Variants in SCML2 observed in about 807,000 individuals in gnomAD.
SCML2 encodes Scm polycomb group protein like 2, also known as sex comb on midleg-like protein 2.
In SCML2, 6 loss-of-function variants were observed where a neutral mutation model predicts 48.4. The ratio of observed to expected loss-of-function variants is 0.12; its 90% CI spans 0.07 to 0.24. The LOEUF is 0.24. Among genes scored for constraint, SCML2 ranks in the 10% least tolerant of loss-of-function variants. The pLI is 1.00. For missense variants in SCML2, 377 were observed against 528.2 expected (o/e 0.71, Z 2.81); for synonymous variants, 181 against 189.5 (o/e 0.95, Z 0.37).
chrX:18,256,732 C>T, intron 11 of SCML2, 116 bp downstream of exon 11: 1 of 542,160 alleles, frequency 1.8e-6, no homozygotes, highest in Non-Finnish European at 2.8e-6. Context: ...ATATGTTATA[C>T]ATTTCTAATT....
rs184564063 is a variant in SCML2 at position 18,291,044 on chromosome X, G to T, written c.730+13928C>A. Among the ~76,000 whole-genome samples, 14 of 111,958 alleles carry T rather than the reference G, an allele frequency of 1.3e-4. No individual in the cohort carries two copies. In the South Asian group the frequency reaches 1.5e-3, roughly 12 times the overall value. ...GAACTAAAATATAAGATACAGAAGAGGGGGGAGCACGTTGAAAACGGAAAA... is the reference window on the plus strand; with the variant it reads ...GAACTAAAATATAAGATACAGAAGATGGGGGAGCACGTTGAAAACGGAAAA... On this transcript the variant is annotated intron_variant, in intron 7 of 14. Transcript: ENST00000251900.
chrX:18,240,767 A>G lies in SCML2; in HGVS notation c.*484T>C, dbSNP rs1158755037. On this transcript the variant is annotated 3_prime_UTR_variant, in exon 15 of 15. Coordinates refer to ENST00000251900, the MANE Select transcript of SCML2 (RefSeq NM_006089.3). Reference sequence around the variant, plus strand: ...AGAGTATCACACAAAATATCTGAGAAAAGATGATATCTACAGGTGCACCTT... The same window carrying G: ...AGAGTATCACACAAAATATCTGAGAGAAGATGATATCTACAGGTGCACCTT... 1 of 112,973 alleles carries G rather than the reference A, an allele frequency of 8.9e-6. No individual in the cohort carries two copies. The highest frequency in any genetic ancestry group is 1.9e-5 in the Non-Finnish European group (1 of 53,538). 9.3% of individuals were successfully genotyped at this position (112,973 alleles called of 1,213,427 possible).
intron 1 of SCML2, among the ~76,000 whole-genome samples, chrX:18,336,855 GA>G (rs1158388526): frequency 1.8e-5 from 2 of 110,354 alleles, no homozygotes; most frequent in African/African-American, 6.6e-5. Context: ...AAAAAAGTGG[GA>G]AAAAAAAGAA....
chrX:18,282,920 A>C (rs1927917557), intron 7 of SCML2, among the ~76,000 whole-genome samples: 1 of 111,213 alleles, frequency 9.0e-6, no homozygotes, highest in African/African-American at 3.3e-5. Flanking sequence ...CCTGAGGGGG[A>C]AGGACTCCTC....
At chrX:18,329,516 G>A (rs935742854) in intron 3 of SCML2, among the ~76,000 whole-genome samples, 9 of 112,320 alleles carry the variant, frequency 8.0e-5, no homozygotes, top group African/African-American at 2.3e-4. Flanking sequence ...AGTTTGCTAC[G>A]TTATTTTTTA....
intron 7 of SCML2, among the ~76,000 whole-genome samples, chrX:18,287,987 A>G (rs1249716522): frequency 8.9e-6 from 1 of 111,771 alleles, no homozygotes; most frequent in Non-Finnish European, 1.9e-5. Context: ...TCAAAATGAC[A>G]TTATTAAAAA....
At chrX:18,301,325 G>C (rs896085668) in intron 7 of SCML2, among the ~76,000 whole-genome samples, 1 of 110,674 alleles carries the variant, frequency 9.0e-6, no homozygotes, top group Admixed American at 9.6e-5. Flanking sequence ...TTGAACCCAG[G>C]AGGCAGAGGT....
intron 7 of SCML2, among the ~76,000 whole-genome samples, chrX:18,275,595 C>T (rs189773471): frequency 1.1e-3 from 119 of 112,371 alleles, no homozygotes; most frequent in African/African-American, 3.3e-3. Flanking sequence ...TGTTAAGTTC[C>T]ACTGTTATAT....
intron 7 of SCML2, among the ~76,000 whole-genome samples, chrX:18,269,270 G>T (rs753633371): frequency 9.0e-6 from 1 of 111,703 alleles, no homozygotes; most frequent in African/African-American, 3.3e-5. Context: ...CCAGGTGGAG[G>T]AAATTGAATC....
rs746723948 is a variant in SCML2 at position 18,308,120 on chromosome X, G to A, written c.487-2905C>T. Among the ~76,000 whole-genome samples, 4 of 105,986 alleles carry A rather than the reference G, an allele frequency of 3.8e-5. No homozygotes were observed. The East Asian group carries it at 1.2e-3, about 32-fold the overall frequency. The allele number at this position is 105,986 out of a possible 115,157, so 92.0% of individuals were successfully genotyped here. ...AAGAAAAAAAAAAAATTAGCTGGGT[G>A]TGGTGGTGCATGCCTGTAGTCCCAG... is the stretch of plus-strand genomic sequence containing the variant. On this transcript the variant is annotated intron_variant, in intron 6 of 14. Coordinates refer to ENST00000251900, the MANE Select transcript of SCML2 (RefSeq NM_006089.3).
At chrX:18,271,378 G>A (rs1927452388) in intron 7 of SCML2, among the ~76,000 whole-genome samples, 1 of 108,665 alleles carries the variant, frequency 9.2e-6, no homozygotes, top group African/African-American at 3.4e-5. Context: ...TTTCTGTCCT[G>A]TAACAACAAC....
intron 6 of SCML2, among the ~76,000 whole-genome samples, chrX:18,311,705 G>A (rs1928954086): frequency 8.9e-6 from 1 of 112,256 alleles, no homozygotes; most frequent in African/African-American, 3.2e-5. Flanking sequence ...TAAGGATTCT[G>A]GCTTTTACTC....
At chrX:18,286,582 A>C (rs5909442) in intron 7 of SCML2, among the ~76,000 whole-genome samples, 30,231 of 110,549 alleles carry the variant, frequency 0.27, 3,577 homozygotes, top group African/African-American at 0.45. Context: ...GACCGTCAGA[A>C]ACACACAGTG....
intron 7 of SCML2, among the ~76,000 whole-genome samples, chrX:18,296,612 T>C (rs7049322): frequency 0.04 from 4,426 of 111,204 alleles, 242 homozygotes; most frequent in African/African-American, 0.14. Flanking sequence ...TCAGAGACTA[T>C]TATGAACAAC....
At position 18,266,970 on chromosome X, in the gene SCML2, T is replaced by C. The variant is rs141512880; in HGVS notation, c.731-1168A>G. On this transcript the variant is annotated intron_variant, in intron 7 of 14. Coordinates refer to ENST00000251900, the MANE Select transcript of SCML2 (RefSeq NM_006089.3). Reference sequence around the variant, plus strand: ...TACCTCATTGCCATCATCTACTTCATACTCCAGGCTCACTTCCACTTTTTT... The same window carrying C: ...TACCTCATTGCCATCATCTACTTCACACTCCAGGCTCACTTCCACTTTTTT... 6.7e-3 allele frequency among the ~76,000 whole-genome samples: 749 copies of C among 112,167 alleles called. 8 individuals carry two copies. Among genetic ancestry groups the C allele is most frequent in the African/African-American group, 0.023 (720 of 30,920 alleles).
chrX:18,350,786 A>T (rs966433491), intron 1 of SCML2, among the ~76,000 whole-genome samples: 1 of 111,144 alleles, frequency 9.0e-6, no homozygotes, highest in Non-Finnish European at 1.9e-5. Context: ...TGGTAACCAA[A>T]GCCTAAGGTA....
chrX:18,290,537 C>G (rs1928198875), intron 7 of SCML2, among the ~76,000 whole-genome samples: 1 of 111,130 alleles, frequency 9.0e-6, no homozygotes, highest in Non-Finnish European at 1.9e-5. Context: ...CAGTGTAGGT[C>G]ATTAAGTTAC....
At chrX:18,343,702 A>C (rs1338121667) in intron 1 of SCML2, among the ~76,000 whole-genome samples, 1 of 102,213 alleles carries the variant, frequency 9.8e-6, no homozygotes, top group African/African-American at 3.6e-5. Context: ...CGGAGGTTGC[A>C]GTGAGCAGAG....
In SCML2 at chrX:18,242,456, C is replaced by T. The variant is rs376375521; in HGVS notation, c.1957G>A (p.Asp653Asn). The change falls in exon 14 of 15, where the codon GAC becomes AAC. Residue 653 changes from aspartate (D) to asparagine (N), a missense_variant. Physicochemically the swap from Asp to Asn is conservative, Grantham distance 23. This residue lies in a region of SCML2 where 299 missense variants were observed against 425.5 expected (regional missense o/e 0.70). Transcript: ENST00000251900. The stretch of plus-strand genomic sequence containing the variant: ...TACATTACATGTTGCCTGAAGAGGT[C>T]GGCGAGGGGGCCTGATATCTGAGGA... ...TDPQISGPLA[D>N]LFRQHEIDGK... is the part of the protein sequence containing the mutation. 1 of 1,196,287 alleles carries T rather than the reference C, an allele frequency of 8.4e-7. No homozygotes were observed. Among genetic ancestry groups the T allele is most frequent in the African/African-American group, 1.8e-5 (1 of 56,125 alleles).
Sources: gnomAD v4.1 joint callset for allele counts (sites outside exome capture counted in the v4.1 genomes callset) on GRCh38, gnomAD v4.1.1 for gene constraint, gnomAD v4.1.1 regional missense constraint, MANE v1.5 for transcripts, NCBI Gene and HGNC (gene_info 2026-07-23, HGNC 2026-07-21) for gene names.